Variants in FBXL5 observed in about 807,000 individuals in gnomAD.
The protein encoded by FBXL5 is F-box/LRR-repeat protein 5.
Under a neutral mutation model 78.3 loss-of-function variants are expected in FBXL5, and 26 were observed. That is an observed-to-expected ratio of 0.33 (90% CI 0.24 to 0.46). The LOEUF (loss-of-function observed/expected upper bound fraction) is 0.46. Among genes scored for constraint, FBXL5 ranks in the 20% least tolerant of loss-of-function variants. The pLI, the probability that FBXL5 is intolerant of heterozygous loss-of-function variation, is 1.00. For synonymous variants in FBXL5, 295 were observed against 282.5 expected (o/e 1.04, Z -0.45); for missense variants, 710 against 829.2 (o/e 0.86, Z 1.77).
intron 9 of FBXL5, among the ~76,000 whole-genome samples, chr4:15,620,480 G>C (rs1712366771): frequency 6.6e-6 from 1 of 152,124 alleles, no homozygotes; most frequent in Non-Finnish European, 1.5e-5. Flanking sequence ...AAATAACCTT[G>C]AAAAGGAAAA....
At chr4:15,644,450 T>C (rs543345463) in intron 2 of FBXL5, 43 bp downstream of exon 2, 8 of 1,519,354 alleles carry the variant, frequency 5.3e-6, no homozygotes, top group African/African-American at 1.4e-5. Flanking sequence ...TACCAGAAGA[T>C]GGCACAAGTT....
At chr4:15,662,004 G>T (rs1228307072), upstream of FBXL5, among the ~76,000 whole-genome samples, 4 of 152,178 alleles carry the variant, frequency 2.6e-5, no homozygotes, top group African/African-American at 9.7e-5. Context: ...TTTCCTCAAG[G>T]TGAGGGCCAA....
intron 9 of FBXL5, among the ~76,000 whole-genome samples, chr4:15,615,322 G>A (rs149969806): frequency 0.091 from 13,858 of 152,094 alleles, 776 homozygotes; most frequent in Non-Finnish European, 0.13. Flanking sequence ...GGACTGGCAG[G>A]CAGCTCCACA....
At chr4:15,618,737 G>A (rs1360590747) in intron 9 of FBXL5, among the ~76,000 whole-genome samples, 1 of 152,050 alleles carries the variant, frequency 6.6e-6, no homozygotes, top group Non-Finnish European at 1.5e-5. Flanking sequence ...AGCTACTTGG[G>A]AGGGTGAGAC....
chr4:15,637,908 A>G (rs1299336953), intron 4 of FBXL5, among the ~76,000 whole-genome samples: 3 of 151,974 alleles, frequency 2.0e-5, no homozygotes, highest in Non-Finnish European at 4.4e-5. Context: ...TTTTTAAAAA[A>G]AAAAAAAAAG....
intron 2 of FBXL5, among the ~76,000 whole-genome samples, chr4:15,643,465 A>G (rs559812620): frequency 6.6e-6 from 1 of 152,334 alleles, no homozygotes; most frequent in East Asian, 1.9e-4. Context: ...CATTATCCTA[A>G]ACTATACCCA....
chr4:15,629,588 TTTTGC>T (rs1713413870), intron 6 of FBXL5, among the ~76,000 whole-genome samples: 1 of 152,114 alleles, frequency 6.6e-6, no homozygotes, highest in Non-Finnish European at 1.5e-5. Context: ...GCCAGTTTTG[TTTTGC>T]TTTTTTCCAT....
At chr4:15,638,948 T>C (rs746838439) in intron 3 of FBXL5, among the ~76,000 whole-genome samples, 4 of 152,140 alleles carry the variant, frequency 2.6e-5, no homozygotes, top group Admixed American at 6.6e-5. Flanking sequence ...GTAGGTCACC[T>C]GAGGTCGGGA....
At chr4:15,628,097 C>T (rs1304303126) in intron 6 of FBXL5, 64 bp from the exon 7 acceptor site, 39 of 1,481,426 alleles carry the variant, frequency 2.6e-5, no homozygotes, top group Non-Finnish European at 3.1e-5. Flanking sequence ...TACTCAAGCG[C>T]TCACCAAATT....
At chr4:15,629,904 A>C (rs1232207275) in intron 6 of FBXL5, among the ~76,000 whole-genome samples, 2 of 152,104 alleles carry the variant, frequency 1.3e-5, no homozygotes, top group Non-Finnish European at 2.9e-5. Flanking sequence ...AGTTTTACCA[A>C]CTAGAAGAAT....
upstream of FBXL5, chr4:15,656,244 C>T (rs888218110): frequency 3.3e-5 from 15 of 456,074 alleles, no homozygotes; most frequent in Admixed American, 3.5e-4. Context: ...AAAATGTCTG[C>T]CTCTTTCCCA....
chr4:15,609,704 A>G (rs895564739), intron 10 of FBXL5, among the ~76,000 whole-genome samples: 20 of 152,110 alleles, frequency 1.3e-4, no homozygotes, highest in African/African-American at 4.8e-4. Context: ...TATGGCTAAG[A>G]AGACTTTTCA....
chr4:15,613,235 T>G (rs1334855850), intron 9 of FBXL5, among the ~76,000 whole-genome samples: 1 of 152,144 alleles, frequency 6.6e-6, no homozygotes, highest in African/African-American at 2.4e-5. Context: ...GGGTTCTTTT[T>G]GGGATGATGA....
rs569865668 is a variant in FBXL5 at position 15,604,450 on chromosome 4, A to G, written c.*1273T>C. The G allele has an allele frequency of 6.6e-6, 1 of 152,150 alleles. No homozygotes were observed. The highest frequency in any genetic ancestry group is 1.9e-4 in the East Asian group (1 of 5,188). 9.4% of individuals were successfully genotyped at this position (152,150 alleles called of 1,614,324 possible). On this transcript the variant is annotated 3_prime_UTR_variant, in exon 11 of 11. Coordinates refer to ENST00000341285, the MANE Select transcript of FBXL5 (RefSeq NM_012161.4). ...ATTCCAAAGCAATTACAATAGTAAC[A>G]ACAATCACTGGCCACAGATCACCAC... is the stretch of plus-strand genomic sequence containing the variant.
chr4:15,612,378 C>T lies in FBXL5; in HGVS notation c.1887G>A (p.Glu629=), dbSNP rs1200550218. ...TAAGACAACCAGAGAGATTAAGGTGCTCCAAATAAGGCAGCCCTCCTCCCA... is the reference window on the plus strand; with the variant it reads ...TAAGACAACCAGAGAGATTAAGGTGTTCCAAATAAGGCAGCCCTCCTCCCA... ...LTLGGGLPYL[E]HLNLSGCLTI... is the part of the protein sequence containing the mutation. Residue 629 remains glutamate, a synonymous_variant, in exon 10 of 11, where the codon GAG becomes GAA. Coordinates refer to ENST00000341285, the MANE Select transcript of FBXL5 (RefSeq NM_012161.4). The T allele has an allele frequency of 2.5e-6, 4 of 1,611,614 alleles. No homozygotes were observed. The highest frequency in any genetic ancestry group is 1.7e-5 in the Admixed American group (1 of 59,542).
chr4:15,673,794 CA>C (rs2148817712), intron 1 of FBXL5, among the ~76,000 whole-genome samples: 1 of 152,262 alleles, frequency 6.6e-6, no homozygotes, highest in South Asian at 2.1e-4. Context: ...CTGGTTTCAC[CA>C]GGCTCCAGGC....
chr4:15,630,834 G>A, intron 5 of FBXL5, 43 bp from the exon 6 acceptor site: 5 of 1,597,764 alleles, frequency 3.1e-6, no homozygotes, highest in South Asian at 1.1e-5. Context: ...AATAATATCA[G>A]ATTGCCTGCA....
At chr4:15,628,148 A>T in intron 6 of FBXL5, 115 bp from the exon 7 acceptor site, 2 of 997,874 alleles carry the variant, frequency 2.0e-6, no homozygotes, top group South Asian at 1.7e-5. Flanking sequence ...ATACTTTCTT[A>T]TGTAAACCAT....
At chr4:15,607,907 A>G (rs995421883) in intron 10 of FBXL5, among the ~76,000 whole-genome samples, 2 of 152,190 alleles carry the variant, frequency 1.3e-5, no homozygotes, top group South Asian at 4.1e-4. Flanking sequence ...TCCAAACTGC[A>G]ACTCCCTCAA....
Sources: gnomAD v4.1 joint callset for allele counts (sites outside exome capture counted in the v4.1 genomes callset) on GRCh38, gnomAD v4.1.1 for gene constraint, MANE v1.5 for transcripts, NCBI Gene and HGNC (gene_info 2026-07-23, HGNC 2026-07-21) for gene names.